CRB1: variants seen among roughly 807,000 people sequenced by gnomAD.
The protein encoded by CRB1 is crumbs cell polarity complex component 1.
In CRB1, 83 loss-of-function variants were observed where a neutral mutation model predicts 120.0. The ratio of observed to expected loss-of-function variants is 0.69; its 90% CI spans 0.58 to 0.83. The LOEUF is 0.83. CRB1 is among the 40% of genes least tolerant of loss of function. The pLI, the probability that CRB1 is intolerant of heterozygous loss-of-function variation, is 0.00. For synonymous variants in CRB1, 625 were observed against 612.5 expected, an observed-to-expected ratio of 1.02 and a Z score of -0.30; for missense variants, 1,699 against 1,687.6, an observed-to-expected ratio of 1.01 and a Z score of -0.12.
At chr1:197,291,644 A>G (rs1256991050) in intron 1 of CRB1, among the ~76,000 whole-genome samples, 1 of 151,862 alleles carries the variant, frequency 6.6e-6, no homozygotes, top group Non-Finnish European at 1.5e-5. Context: ...GATGTCACAT[A>G]TATTTGTCTT....
chr1:197,391,762 A>G lies in CRB1; in HGVS notation c.1172-29238A>G, dbSNP rs534110251. Among the ~76,000 whole-genome samples, 12 of 152,204 alleles carry G rather than the reference A, an allele frequency of 7.9e-5. No homozygotes were observed. The South Asian group carries it at 2.5e-3, about 32-fold the overall frequency. On this transcript the variant is annotated intron_variant, in intron 5 of 11. Transcript: ENST00000367400. ...GCTGACATAATTGAAAGGCTTTCAA[A>G]GAGCTGATGGTGAGTTAGTGAAGGA...
the CRB1 span, among the ~76,000 whole-genome samples, chr1:197,244,222 G>C: frequency 1.2e-4 from 19 of 152,208 alleles, no homozygotes; most frequent in Middle Eastern, 6.8e-3. Context: ...TCATTATGAC[G>C]TTAGCTGGCT....
chr1:197,320,947 C>T (rs1042577101), intron 1 of CRB1, among the ~76,000 whole-genome samples: 3 of 152,222 alleles, frequency 2.0e-5, no homozygotes, highest in Non-Finnish European at 4.4e-5. Context: ...CAATTCAAAA[C>T]ATCAGATATT....
chr1:197,289,034 CT>C (rs1326248116), intron 1 of CRB1, among the ~76,000 whole-genome samples: 1 of 150,866 alleles, frequency 6.6e-6, no homozygotes, highest in African/African-American at 2.4e-5. Flanking sequence ...CATGTAGAGC[CT>C]AATGTTTGAG....
chr1:197,304,430 G>A, intron 1 of CRB1: 3 of 969,662 alleles, frequency 3.1e-6, no homozygotes, highest in South Asian at 4.8e-5. Flanking sequence ...GTATGTCCTG[G>A]TTCAGGTGTA....
At chr1:197,436,137 A>G (rs1053040039) in intron 9 of CRB1, among the ~76,000 whole-genome samples, 2 of 152,144 alleles carry the variant, frequency 1.3e-5, no homozygotes, top group Non-Finnish European at 2.9e-5. Flanking sequence ...CTCCCAAAAC[A>G]TAACAACTAT....
Position 197,353,461 on chromosome 1 carries a change from G to C in CRB1, c.989-3370G>C, listed in dbSNP as rs368825680. On this transcript the variant is annotated intron_variant, in intron 4 of 11. Coordinates refer to ENST00000367400, the MANE Select transcript of CRB1 (RefSeq NM_201253.3). ...ATTGTTTCCAAAACATTTCTCAGCA[G>C]AGTTAAATGATATTGCAAAGGGCCT... 3.5e-4 allele frequency among the ~76,000 whole-genome samples: 54 copies of C among 152,278 alleles called. 1 individual carries two copies. The South Asian group carries it at 0.011, about 32-fold the overall frequency.
chr1:197,268,127 C>G (rs561681887), upstream of CRB1: 165 of 394,866 alleles, frequency 4.2e-4, no homozygotes, highest in African/African-American at 3.3e-3. Context: ...GAAGAAAACT[C>G]GCAGCAAAGG....
chr1:197,235,090 T>C, the CRB1 span, among the ~76,000 whole-genome samples: 3 of 152,162 alleles, frequency 2.0e-5, no homozygotes, highest in African/African-American at 7.2e-5. Flanking sequence ...ATCTGTGAAG[T>C]ATATGGCACT....
rs546348101 is a variant in CRB1, at chr1:197,338,435, T to C, written c.653-5846T>C. ...TTCTCCAAACAGACAACTGTAATCA[T>C]TAGATACAAGGAAGTAGGAGAATTT... On this transcript the variant is annotated intron_variant, in intron 2 of 11. Transcript: ENST00000367400. 1.2e-4 allele frequency among the ~76,000 whole-genome samples: 18 copies of C among 152,286 alleles called. No individual in the cohort carries two copies. The South Asian group carries it at 3.7e-3, about 32-fold the overall frequency.
chr1:197,372,279 A>C (rs538433854), intron 5 of CRB1, among the ~76,000 whole-genome samples: 16 of 152,338 alleles, frequency 1.1e-4, no homozygotes, highest in African/African-American at 3.6e-4. Context: ...GCCAGAAAGT[A>C]GTCTAAAGCC....
chr1:197,239,209 A>G, the CRB1 span, among the ~76,000 whole-genome samples: 3 of 152,154 alleles, frequency 2.0e-5, no homozygotes, highest in South Asian at 2.1e-4. Flanking sequence ...GGAGTGTTCT[A>G]TAGAAGTCAA....
At chr1:197,329,038 A>G in intron 2 of CRB1, 35 bp downstream of exon 2, 3 of 1,561,592 alleles carry the variant, frequency 1.9e-6, no homozygotes, top group Non-Finnish European at 2.6e-6. Context: ...CAGATGGTGT[A>G]GTTAGCTCTT....
intron 4 of CRB1, among the ~76,000 whole-genome samples, chr1:197,351,568 A>C (rs2821124): frequency 0.076 from 11,520 of 152,068 alleles, 1,520 homozygotes; most frequent in African/African-American, 0.26. Context: ...GAAATAACAA[A>C]ATTTGCTTTG....
chr1:197,301,219 G>A (rs1039658462), intron 1 of CRB1, among the ~76,000 whole-genome samples: 1 of 151,472 alleles, frequency 6.6e-6, no homozygotes, highest in Non-Finnish European at 1.5e-5. Context: ...AGGCTGGAGT[G>A]CAGTGGCGCG....
At chr1:197,226,613 A>G in the CRB1 span, among the ~76,000 whole-genome samples, 2 of 152,036 alleles carry the variant, frequency 1.3e-5, no homozygotes, top group African/African-American at 4.8e-5. Flanking sequence ...TCATGAGGGT[A>G]GAGCCCTCAT....
intron 4 of CRB1, among the ~76,000 whole-genome samples, chr1:197,352,933 T>C (rs573540631): frequency 6.6e-6 from 1 of 152,166 alleles, no homozygotes; most frequent in Non-Finnish European, 1.5e-5. Flanking sequence ...AAACTAGGAT[T>C]ATAATCTAAA....
intron 10 of CRB1, 50 bp downstream of exon 10, chr1:197,438,725 T>C (rs1303931680): frequency 6.2e-7 from 1 of 1,604,212 alleles, no homozygotes; most frequent in Non-Finnish European, 8.5e-7. Context: ...TAAAGAATGA[T>C]GGGATTACTC....
intron 1 of CRB1, among the ~76,000 whole-genome samples, chr1:197,294,848 T>A (rs1401974566): frequency 2.6e-5 from 4 of 151,932 alleles, no homozygotes; most frequent in African/African-American, 9.7e-5. Flanking sequence ...TAGGCGGGAA[T>A]TGAACAATGA....
Sources: gnomAD v4.1 joint callset for allele counts (sites outside exome capture counted in the v4.1 genomes callset) on GRCh38, gnomAD v4.1.1 for gene constraint, MANE v1.5 for transcripts, NCBI Gene and HGNC (gene_info 2026-07-23, HGNC 2026-07-21) for gene names.